CFAP54: variants seen among roughly 807,000 people sequenced by gnomAD.
CFAP54 encodes cilia- and flagella-associated protein 54.
Under a neutral mutation model 370.4 loss-of-function variants are expected in CFAP54, and 290 were observed. The ratio of observed to expected loss-of-function variants is 0.78; its 90% CI spans 0.71 to 0.86. The LOEUF (loss-of-function observed/expected upper bound fraction) is 0.86, where lower values mean the gene tolerates loss of function less well. CFAP54 is among the 40% of genes least tolerant of loss of function. CFAP54 has a pLI of 0.00. For synonymous variants in CFAP54, 1,206 were observed against 1,236.5 expected, an observed-to-expected ratio of 0.98 and a Z score of 0.52; for missense variants, 3,399 against 3,528.7, an observed-to-expected ratio of 0.96 and a Z score of 0.93.
chr12:96,574,573 A>G (rs912296456), intron 19 of CFAP54, among the ~76,000 whole-genome samples: 2 of 150,214 alleles, frequency 1.3e-5, no homozygotes, highest in African/African-American at 4.8e-5. Flanking sequence ...AAAATCTGTA[A>G]TGAATGTTAA....
rs901859311 is a variant in CFAP54, at chr12:96,796,505, G to A, written c.8850+4006G>A. On this transcript the variant is annotated intron_variant, in intron 63 of 67. Transcript: ENST00000524981. ...CCTACTGTTTTCTTTCTGAGAAATA[G>A]CGATATCATTCTTAATAGTTTTATG... Among the ~76,000 whole-genome samples the A allele has an allele frequency of 5.3e-5, 8 of 152,164 alleles. No individual in the cohort carries two copies. The East Asian group carries it at 1.4e-3, about 26-fold the overall frequency.
At chr12:96,871,510 ATTACT>A (rs1450872279) in intron 67 of CFAP54, among the ~76,000 whole-genome samples, 1 of 152,258 alleles carries the variant, frequency 6.6e-6, no homozygotes, top group African/African-American at 2.4e-5. Flanking sequence ...ATAATTAAAA[ATTACT>A]TTATATACAA....
chr12:96,687,980 C>G (rs74580098), intron 42 of CFAP54, among the ~76,000 whole-genome samples: 1 of 152,154 alleles, frequency 6.6e-6, no homozygotes, highest in Non-Finnish European at 1.5e-5. Context: ...TGTCATTCTA[C>G]GGGGGCTTTG....
At chr12:96,743,637 A>C in intron 53 of CFAP54, 78 bp downstream of exon 53, 1 of 1,589,044 alleles carries the variant, frequency 6.3e-7, no homozygotes. Context: ...TTCAAATTCC[A>C]CTAGGTACTG....
chr12:96,594,585 C>A, intron 25 of CFAP54, 139 bp downstream of exon 25: 1 of 528,594 alleles, frequency 1.9e-6, no homozygotes, highest in Non-Finnish European at 3.2e-6. Flanking sequence ...TAGGAGTTAA[C>A]TGAAAAACAC....
chr12:96,645,121 C>T, intron 33 of CFAP54: 1 of 456,488 alleles, frequency 2.2e-6, no homozygotes, highest in Non-Finnish European at 4.4e-6. Flanking sequence ...ATCATATTTA[C>T]TCACCCAATG....
chr12:96,711,365 CTGTTT>C (rs1957611661), intron 48 of CFAP54, among the ~76,000 whole-genome samples: 1 of 151,862 alleles, frequency 6.6e-6, no homozygotes. Context: ...CTTCTGTTCT[CTGTTT>C]TATTATTATC....
chr12:96,771,604 A>C (rs973262141), intron 60 of CFAP54, among the ~76,000 whole-genome samples: 4 of 152,220 alleles, frequency 2.6e-5, no homozygotes, highest in Admixed American at 2.6e-4. Flanking sequence ...GTGAGCCGAG[A>C]TAGCGCCACT....
chr12:96,754,037 G>T (rs1958221870), intron 56 of CFAP54, 139 bp downstream of exon 56: 3 of 687,602 alleles, frequency 4.4e-6, no homozygotes, highest in African/African-American at 3.6e-5. Context: ...TAACACAATG[G>T]TACCTCCACC....
intron 1 of CFAP54, 107 bp downstream of exon 1, chr12:96,490,033 G>A: frequency 2.0e-5 from 21 of 1,061,662 alleles, no homozygotes; most frequent in Non-Finnish European, 2.8e-5. Context: ...CGTTGCGGAC[G>A]CAGGGGCTGG....
intron 40 of CFAP54, among the ~76,000 whole-genome samples, chr12:96,684,221 C>T (rs1957300877): frequency 6.6e-6 from 1 of 152,198 alleles, no homozygotes; most frequent in Non-Finnish European, 1.5e-5. Flanking sequence ...ATAACATCCA[C>T]ATTTCTCCAA....
At chr12:96,839,577 G>A (rs533260246) in intron 66 of CFAP54, among the ~76,000 whole-genome samples, 26 of 152,348 alleles carry the variant, frequency 1.7e-4, no homozygotes, top group Admixed American at 1.5e-3. Flanking sequence ...ATGTAACAAA[G>A]CACCCCAAAC....
chr12:96,704,818 A>G, intron 47 of CFAP54, 22 bp downstream of exon 47: 1 of 948,330 alleles, frequency 1.1e-6, no homozygotes, highest in Non-Finnish European at 1.5e-6. Context: ...AATATTTTAT[A>G]AACATGGTTT....
intron 63 of CFAP54, among the ~76,000 whole-genome samples, chr12:96,804,354 T>C (rs1360865461): frequency 6.6e-6 from 1 of 152,196 alleles, no homozygotes; most frequent in African/African-American, 2.4e-5. Flanking sequence ...AAATCACTTC[T>C]GTTTGCTGAT....
At chr12:96,494,475 G>A (rs371759626) in intron 1 of CFAP54, among the ~76,000 whole-genome samples, 10 of 150,318 alleles carry the variant, frequency 6.7e-5, no homozygotes, top group African/African-American at 2.2e-4. Context: ...TAATTTTTGT[G>A]TCTTTAGTAG....
intron 9 of CFAP54, among the ~76,000 whole-genome samples, chr12:96,531,328 T>C (rs1420619): frequency 0.42 from 63,415 of 151,928 alleles, 13,749 homozygotes; most frequent in South Asian, 0.46. Flanking sequence ...TGTTGTTTTA[T>C]AGATGTATCT....
At chr12:96,764,478 C>T (rs1432050230) in intron 59 of CFAP54, among the ~76,000 whole-genome samples, 1 of 152,058 alleles carries the variant, frequency 6.6e-6, no homozygotes. Context: ...TAAAAATTAG[C>T]TGGGCATGGT....
intron 23 of CFAP54, among the ~76,000 whole-genome samples, chr12:96,591,980 G>C (rs896102717): frequency 1.3e-5 from 2 of 151,360 alleles, no homozygotes; most frequent in Non-Finnish European, 2.9e-5. Flanking sequence ...TTGAGATGCA[G>C]TAATGACTCA....
chr12:96,642,618 G>A (rs1009144339), intron 32 of CFAP54, among the ~76,000 whole-genome samples: 1 of 152,142 alleles, frequency 6.6e-6, no homozygotes, highest in Non-Finnish European at 1.5e-5. Context: ...CTAATGGTGA[G>A]AATCCTGGTT....
Sources: allele counts gnomAD v4.1 joint callset (sites outside exome capture counted in the v4.1 genomes callset), GRCh38; gene constraint gnomAD v4.1.1; transcripts MANE v1.5; gene names NCBI Gene and HGNC (gene_info 2026-07-23, HGNC 2026-07-21).